The following ANOS1 variants were observed in gnomAD, a reference collection of about 807,000 sequenced individuals.
ANOS1 encodes the protein anosmin 1, also known as anosmin-1.
In ANOS1, 6 loss-of-function variants were observed where a neutral mutation model predicts 59.0. The observed-to-expected ratio is 0.10, with a 90% confidence interval of 0.06 to 0.20. The LOEUF is 0.20. ANOS1 is among the 10% of genes least tolerant of loss of function. The pLI is 1.00. For missense variants in ANOS1, 433 were observed against 542.3 expected, an observed-to-expected ratio of 0.80 and a Z score of 2.00; for synonymous variants, 217 against 223.4, an observed-to-expected ratio of 0.97 and a Z score of 0.25.
At chrX:8,585,243 T>C (rs758921110) in intron 6 of ANOS1, 24 bp downstream of exon 6, 10 of 1,206,120 alleles carry the variant, frequency 8.3e-6, no homozygotes, top group Non-Finnish European at 1.1e-5. Context: ...GTATTCTGTG[T>C]CTGGGAAGAA....
At position 8,569,778 on chromosome X, in the gene ANOS1, T is replaced by A. The variant is rs909550119; in HGVS notation, c.1062+721A>T. Among the ~76,000 whole-genome samples, 4 of 112,544 alleles carry A rather than the reference T, an allele frequency of 3.6e-5. No homozygotes were observed. In the South Asian group the frequency reaches 1.1e-3, roughly 31 times the overall value. On this transcript the variant is annotated intron_variant, in intron 7 of 13. Coordinates refer to ENST00000262648, the MANE Select transcript of ANOS1 (RefSeq NM_000216.4). Reference sequence around the variant, plus strand: ...TGCTATCTTTTCATTTCTAAACATTTATTTATGGAATTCAACTTTATAAGT... The same window carrying A: ...TGCTATCTTTTCATTTCTAAACATTAATTTATGGAATTCAACTTTATAAGT...
At chrX:8,641,741 T>C (rs1238208961) in intron 2 of ANOS1, among the ~76,000 whole-genome samples, 7 of 112,206 alleles carry the variant, frequency 6.2e-5, no homozygotes, top group African/African-American at 1.3e-4. Flanking sequence ...TGATTTAAAA[T>C]TGTGTGGTGT....
intron 4 of ANOS1, among the ~76,000 whole-genome samples, chrX:8,592,666 A>C (rs1365199282): frequency 9.0e-6 from 1 of 111,271 alleles, no homozygotes; most frequent in Non-Finnish European, 1.9e-5. Context: ...ATAGAAATAG[A>C]AAGGAAAAAG....
At chrX:8,627,103 A>C (rs184976157) in intron 2 of ANOS1, among the ~76,000 whole-genome samples, 3 of 112,439 alleles carry the variant, frequency 2.7e-5, no homozygotes, top group Non-Finnish European at 5.6e-5. Flanking sequence ...CTGCAAGGTA[A>C]GTCTTTATCA....
intron 2 of ANOS1, among the ~76,000 whole-genome samples, chrX:8,680,142 G>A (rs1299889905): frequency 3.2e-5 from 3 of 93,963 alleles, no homozygotes; most frequent in Non-Finnish European, 6.2e-5. Context: ...TCCAGCCTGG[G>A]TGACAGAATG....
intron 2 of ANOS1, among the ~76,000 whole-genome samples, chrX:8,663,515 A>G (rs1463445729): frequency 1.8e-5 from 2 of 111,538 alleles, no homozygotes; most frequent in Non-Finnish European, 3.8e-5. Context: ...GAAAAGAAAC[A>G]ACCTGCTGAA....
At chrX:8,712,092 G>C (rs967328068) in intron 1 of ANOS1, among the ~76,000 whole-genome samples, 5 of 111,864 alleles carry the variant, frequency 4.5e-5, no homozygotes, top group South Asian at 7.5e-4. Context: ...ATTGTCTCTC[G>C]GTTCTGGAGG....
chrX:8,605,685 A>G (rs764989077), intron 3 of ANOS1, among the ~76,000 whole-genome samples: 5 of 109,336 alleles, frequency 4.6e-5, no homozygotes, highest in African/African-American at 1.7e-4. Flanking sequence ...AAAAGAAAAG[A>G]AAGAAAGATA....
intron 1 of ANOS1, among the ~76,000 whole-genome samples, chrX:8,725,947 C>T (rs1231844565): frequency 1.8e-5 from 2 of 109,776 alleles, no homozygotes; most frequent in African/African-American, 3.3e-5. Context: ...AAATTCAGAA[C>T]GTGTTAGAAA....
At chrX:8,707,859 C>A (rs992644989) in intron 1 of ANOS1, among the ~76,000 whole-genome samples, 3 of 112,176 alleles carry the variant, frequency 2.7e-5, no homozygotes, top group African/African-American at 9.7e-5. Flanking sequence ...GAATTGTGTT[C>A]TTCAAGTATA....
intron 3 of ANOS1, among the ~76,000 whole-genome samples, chrX:8,622,434 G>A (rs1415880651): frequency 8.9e-6 from 1 of 112,147 alleles, no homozygotes; most frequent in Admixed American, 9.4e-5. Flanking sequence ...GTGAAACATA[G>A]GCAATGGGAT....
At chrX:8,701,222 C>T (rs528610914) in intron 1 of ANOS1, among the ~76,000 whole-genome samples, 2 of 110,451 alleles carry the variant, frequency 1.8e-5, no homozygotes, top group African/African-American at 6.6e-5. Flanking sequence ...CTCTGAAGTT[C>T]AAGGTGGAGA....
chrX:8,650,642 C>T lies in ANOS1; in HGVS notation c.256-26972G>A, dbSNP rs188281632. 9.9e-5 allele frequency among the ~76,000 whole-genome samples: 11 copies of T among 111,482 alleles called. No individual in the cohort carries two copies. In the East Asian group the frequency reaches 2.0e-3, roughly 20 times the overall value. On this transcript the variant is annotated intron_variant, in intron 2 of 13. Coordinates refer to ENST00000262648, the MANE Select transcript of ANOS1 (RefSeq NM_000216.4). ...CTGAGGCAGGAGAATCTTTTGAGCC[C>T]GGGAGACGGTGGTGGCAGTGAGCTG...
At chrX:8,629,700 C>T (rs1950013974) in intron 2 of ANOS1, among the ~76,000 whole-genome samples, 1 of 111,933 alleles carries the variant, frequency 8.9e-6, no homozygotes, top group South Asian at 3.7e-4. Flanking sequence ...CACCACCTGG[C>T]CAGTTTGGCA....
intron 6 of ANOS1, among the ~76,000 whole-genome samples, chrX:8,582,996 T>G (rs1930451635): frequency 8.9e-6 from 1 of 111,743 alleles, no homozygotes; most frequent in Admixed American, 9.5e-5. Flanking sequence ...CATTGCCGAT[T>G]ACTCAAATGG....
chrX:8,610,260 A>C (rs1420826769), intron 3 of ANOS1, among the ~76,000 whole-genome samples: 1 of 110,987 alleles, frequency 9.0e-6, no homozygotes, highest in African/African-American at 3.3e-5. Flanking sequence ...AACTTTCTGA[A>C]GTCCTCTTGT....
At chrX:8,663,822 C>G (rs1244010976) in intron 2 of ANOS1, among the ~76,000 whole-genome samples, 1 of 111,851 alleles carries the variant, frequency 8.9e-6, no homozygotes, top group Non-Finnish European at 1.9e-5. Flanking sequence ...CAATGCCCAT[C>G]AATGATAAAC....
At chrX:8,694,714 A>G (rs1196499136) in intron 2 of ANOS1, among the ~76,000 whole-genome samples, 8 of 112,236 alleles carry the variant, frequency 7.1e-5, no homozygotes, top group Non-Finnish European at 1.3e-4. Flanking sequence ...GATTGGACCA[A>G]CTTAAAAATA....
intron 2 of ANOS1, among the ~76,000 whole-genome samples, chrX:8,670,625 T>C (rs1415465712): frequency 1.8e-5 from 2 of 111,699 alleles, no homozygotes; most frequent in Non-Finnish European, 3.8e-5. Flanking sequence ...AGAATTTTCC[T>C]AGATGGCCAT....
Sources: allele counts gnomAD v4.1 joint callset (sites outside exome capture counted in the v4.1 genomes callset), GRCh38; gene constraint gnomAD v4.1.1; transcripts MANE v1.5; gene names NCBI Gene and HGNC (gene_info 2026-07-23, HGNC 2026-07-21).